Variants in DGKZ observed in about 807,000 individuals in gnomAD.
The protein encoded by DGKZ is diacylglycerol kinase zeta.
DGKZ carries 45 observed loss-of-function variants against 142.5 expected under a neutral mutation model. The ratio of observed to expected loss-of-function variants is 0.32; its 90% CI spans 0.25 to 0.40. The LOEUF (loss-of-function observed/expected upper bound fraction) is 0.40, where lower values mean the gene tolerates loss of function less well. DGKZ is among the 10% of genes least tolerant of loss of function. The probability of loss-of-function intolerance (pLI) is 1.00; values close to 1 mark genes in which losing one functional copy is unlikely to be tolerated. For missense variants in DGKZ, 755 were observed against 1,306.5 expected, an observed-to-expected ratio of 0.58 and a Z score of 6.51; for synonymous variants, 442 against 527.0, an observed-to-expected ratio of 0.84 and a Z score of 2.21.
In DGKZ at chr11:46,367,865, G is replaced by A; in HGVS notation, c.366+118G>A. ...CCCTGCTGTGGGCCGCCCCAGGATG[G>A]TGAGGGGTGCAGGGGCTTTGTCCGG... On this transcript the variant is annotated intron_variant, in intron 3 of 30. Transcript: ENST00000527911. This position sits in a 1 kb window ranked among gnomAD's most constrained non-coding sequence, Gnocchi z 4.1. 2.6e-6 allele frequency: 4 copies of A among 1,517,070 alleles called. No homozygotes were observed. Among genetic ancestry groups the A allele is most frequent in the Non-Finnish European group, 3.6e-6 (4 of 1,096,316 alleles). The allele number at this position is 1,517,070 out of a possible 1,614,324, so 94.0% of individuals were successfully genotyped here. A position where few individuals can be genotyped will look rare whatever the true frequency, so the allele number is the denominator to read the frequency against.
chr11:46,351,032 A>G (rs140382662), intron 1 of DGKZ, among the ~76,000 whole-genome samples: 1 of 151,802 alleles, frequency 6.6e-6, no homozygotes. Flanking sequence ...GTTTTCCTCT[A>G]CCCTGAGCAG....
chr11:46,351,955 G>C (rs1199018188), intron 1 of DGKZ, among the ~76,000 whole-genome samples: 1 of 152,188 alleles, frequency 6.6e-6, no homozygotes, highest in African/African-American at 2.4e-5. Flanking sequence ...CAGGATTCTC[G>C]GTTGGCACAG....
In DGKZ at chr11:46,372,638, G is replaced by C; in HGVS notation, c.1032G>C (p.Val344=). The change falls in exon 12 of 31, where the codon GTG becomes GTC. Residue 344 remains valine, a synonymous_variant. Coordinates refer to ENST00000527911, the Ensembl canonical transcript of DGKZ. The surrounding 1 kb of genome is among the most constrained non-coding windows in gnomAD (Gnocchi z 5.9). ...CCAGGCTGGAGATGTACCGCAAAGTGCACAACCTGCGGATCCTGGCGTGCG... is the reference window on the plus strand; with the variant it reads ...CCAGGCTGGAGATGTACCGCAAAGTCCACAACCTGCGGATCCTGGCGTGCG... 1 of 1,613,666 alleles carries C rather than the reference G, an allele frequency of 6.2e-7. No individual in the cohort carries two copies. The highest frequency in any genetic ancestry group is 8.5e-7 in the Non-Finnish European group (1 of 1,179,992).
rs1222325139 is a variant in DGKZ, at chr11:46,367,856, C to T, written c.366+109C>T. Reference sequence around the variant, plus strand: ...CCCTGGCACCCCTGCTGTGGGCCGCCCCAGGATGGTGAGGGGTGCAGGGGC... The same window carrying T: ...CCCTGGCACCCCTGCTGTGGGCCGCTCCAGGATGGTGAGGGGTGCAGGGGC... On this transcript the variant is annotated intron_variant, in intron 3 of 30. Transcript: ENST00000527911. The surrounding 1 kb of genome is among the most constrained non-coding windows in gnomAD (Gnocchi z 4.1). 9 of 1,531,348 alleles carry T rather than the reference C, an allele frequency of 5.9e-6. No homozygotes were observed. The highest frequency in any genetic ancestry group is 2.3e-5 in the East Asian group (1 of 44,164). 94.9% of individuals were successfully genotyped at this position (1,531,348 alleles called of 1,614,324 possible).
In DGKZ at chr11:46,376,156, G is replaced by A. The variant is rs920890491; in HGVS notation, c.2091+11G>A. On this transcript the variant is annotated intron_variant, in intron 22 of 30. Coordinates refer to ENST00000527911, the Ensembl canonical transcript of DGKZ. ...GAGAGACTCCAGCAGGTAAGGGGTG[G>A]GGGCTTCCCCAGGTGCCCACCGAGA... 3.7e-6 allele frequency: 6 copies of A among 1,608,738 alleles called. No individual in the cohort carries two copies. Among genetic ancestry groups the A allele is most frequent in the Non-Finnish European group, 3.4e-6 (4 of 1,179,180 alleles).
At chr11:46,371,952 C>A (rs905319661) in intron 9 of DGKZ, 123 bp from the exon 10 acceptor site, 3 of 1,244,698 alleles carry the variant, frequency 2.4e-6, no homozygotes, top group African/African-American at 3.0e-5. Flanking sequence ...CTGGTAAGAT[C>A]TGGCCCAGAG....
chr11:46,367,492 C>A lies in DGKZ; in HGVS notation c.270+93C>A. ...GAGGCACTAAAGGCAGCTGGGAGAGCCAAGCCTGGAAGGGTTGGGACAGTG... is the reference window on the plus strand; with the variant it reads ...GAGGCACTAAAGGCAGCTGGGAGAGACAAGCCTGGAAGGGTTGGGACAGTG... On this transcript the variant is annotated intron_variant, in intron 2 of 30. Coordinates refer to ENST00000527911, the Ensembl canonical transcript of DGKZ. This position sits in a 1 kb window ranked among gnomAD's most constrained non-coding sequence, Gnocchi z 4.1. The A allele has an allele frequency of 6.9e-7, 1 of 1,439,254 alleles. No homozygotes were observed. The highest frequency in any genetic ancestry group is 9.5e-7 in the Non-Finnish European group (1 of 1,051,134). 89.2% of individuals were successfully genotyped at this position (1,439,254 alleles called of 1,614,324 possible).
chr11:46,333,573 C>T, intron 1 of DGKZ: 2 of 1,252,466 alleles, frequency 1.6e-6, no homozygotes, highest in South Asian at 2.6e-5. Flanking sequence ...ATTGTGCGCC[C>T]GCCGCCTGCC....
chr11:46,369,668 G>A, intron 5 of DGKZ, 118 bp downstream of exon 5: 1 of 1,376,006 alleles, frequency 7.3e-7, no homozygotes. Flanking sequence ...TGCTCACTGA[G>A]GTCTGTCTGA....
rs748618971 is a variant in DGKZ, at chr11:46,372,078, G to A, written c.835G>A (p.Gly279Ser). The stretch of plus-strand genomic sequence containing the variant: ...AGCCTCTCACCTTGTCTCCCAGGAG[G>A]GCCGCTGGAGACCCTTCATCATCAG... The change falls in exon 10 of 31, where the codon GGC (glycine) becomes AGC (serine). Residue 279 changes from glycine (G) to serine (S), a missense_variant. This residue lies in a region of DGKZ where 142 missense variants were observed against 244.4 expected (regional missense o/e 0.58). Transcript: ENST00000527911. This position sits in a 1 kb window ranked among gnomAD's most constrained non-coding sequence, Gnocchi z 5.9. 5 of 1,608,730 alleles carry A rather than the reference G, an allele frequency of 3.1e-6. No individual in the cohort carries two copies. In the Admixed American group the frequency reaches 6.7e-5, roughly 22 times the overall value.
At position 46,367,817 on chromosome 11, in the gene DGKZ, G is replaced by A; in HGVS notation, c.366+70G>A. 1 of 1,592,682 alleles carries A rather than the reference G, an allele frequency of 6.3e-7. No individual in the cohort carries two copies. Among genetic ancestry groups the A allele is most frequent in the Non-Finnish European group, 8.6e-7 (1 of 1,162,988 alleles). On this transcript the variant is annotated intron_variant, in intron 3 of 30. Coordinates refer to ENST00000527911, the Ensembl canonical transcript of DGKZ. The surrounding 1 kb of genome is among the most constrained non-coding windows in gnomAD (Gnocchi z 4.1). ...TAGCCGCAGCCCTTCCGGGAACGTG[G>A]GATTGAGCCCGCTCCCTGGCACCCC...
chr11:46,366,044 G>T (rs1248406954), intron 1 of DGKZ: 1 of 985,208 alleles, frequency 1.0e-6, no homozygotes, highest in African/African-American at 1.7e-5. Context: ...AGCACCCCTG[G>T]GATCCTCACA....
chr11:46,369,966 TAC>T lies in DGKZ; in HGVS notation c.531_532del (p.His177GlnfsTer100). On this transcript the variant is annotated frameshift_variant, in exon 6 of 31. Coordinates refer to ENST00000527911, the Ensembl canonical transcript of DGKZ. LOFTEE classifies it high-confidence loss of function. ...CCAACCTTTGTACGGCACCACTGGGTACACAGACGACGCCAGGACGGCAAGTG... is the reference window on the plus strand; with the variant it reads ...CCAACCTTTGTACGGCACCACTGGGTACAGACGACGCCAGGACGGCAAGTG... 1 of 1,613,774 alleles carries T rather than the reference TAC, an allele frequency of 6.2e-7. No individual in the cohort carries two copies. Among genetic ancestry groups the T allele is most frequent in the Non-Finnish European group, 8.5e-7 (1 of 1,180,022 alleles).
intron 29 of DGKZ, 61 bp from the exon 30 acceptor site, chr11:46,379,395 CTGATGGCCCTTGG>C (rs1246039600): frequency 3.8e-6 from 6 of 1,574,606 alleles, no homozygotes; most frequent in Non-Finnish European, 4.3e-6. Context: ...CCTGCCCTTT[CTGATGGCCCTTGG>C]GAGACAGATG....
chr11:46,378,503 A>AGG lies in DGKZ; in HGVS notation c.2418+3_2418+4insGG. 6.2e-7 allele frequency: 1 copy of AGG among 1,612,966 alleles called. No individual in the cohort carries two copies. Among genetic ancestry groups the AGG allele is most frequent in the Non-Finnish European group, 8.5e-7 (1 of 1,179,826 alleles). ...CCAAGAGGAACGACTTCTGTAAGGTACTAGCTCCAGGCTCCAGTTCCTTCC... is the reference window on the plus strand; with the variant it reads ...CCAAGAGGAACGACTTCTGTAAGGTAGGCTAGCTCCAGGCTCCAGTTCCTTCC... On this transcript the variant is annotated splice_donor_region_variant and intron_variant, in intron 27 of 30. Coordinates refer to ENST00000527911, the Ensembl canonical transcript of DGKZ.
chr11:46,371,240 C>A, intron 6 of DGKZ, 73 bp from the exon 7 acceptor site: 2 of 1,445,984 alleles, frequency 1.4e-6, no homozygotes, highest in Non-Finnish European at 1.9e-6. Context: ...TGGAGAGAGG[C>A]TGGCACCAGG....
intron 1 of DGKZ, among the ~76,000 whole-genome samples, chr11:46,355,855 A>G (rs1366915352): frequency 6.6e-6 from 1 of 150,680 alleles, no homozygotes; most frequent in Non-Finnish European, 1.5e-5. Context: ...CAAGCGATTC[A>G]CCTGCCTCAG....
chr11:46,365,175 G>C (rs776429529), intron 1 of DGKZ: 27 of 985,320 alleles, frequency 2.7e-5, no homozygotes, highest in Non-Finnish European at 3.1e-5. Context: ...GAGCTAGGAT[G>C]ATGCCCACAG....
chr11:46,378,869 A>C, intron 27 of DGKZ, 122 bp from the exon 28 acceptor site: 2 of 1,418,570 alleles, frequency 1.4e-6, no homozygotes, highest in South Asian at 2.8e-5. Context: ...CTCAGGAGTA[A>C]GATGTGTGAG....
Sources: gnomAD v4.1 joint callset for allele counts (sites outside exome capture counted in the v4.1 genomes callset) on GRCh38, gnomAD v4.1.1 for gene constraint, gnomAD v4.1.1 regional missense constraint, Gnocchi (gnomAD v3.1) non-coding constraint, MANE v1.5 for transcripts, NCBI Gene and HGNC (gene_info 2026-07-23, HGNC 2026-07-21) for gene names.